STIM1: variants seen among roughly 807,000 people sequenced by gnomAD.
STIM1 encodes the protein stromal interaction molecule 1.
Under a neutral mutation model 74.7 loss-of-function variants are expected in STIM1, and 25 were observed. The observed-to-expected ratio is 0.33, with a 90% CI of 0.24 to 0.47. The LOEUF (loss-of-function observed/expected upper bound fraction) is 0.47, where lower values mean the gene tolerates loss of function less well. STIM1 is among the 20% of genes least tolerant of loss of function. The probability of loss-of-function intolerance (pLI) is 1.00; values close to 1 mark genes in which losing one functional copy is unlikely to be tolerated. For synonymous variants in STIM1, 328 were observed against 348.8 expected (o/e 0.94, Z 0.66); for missense variants, 728 against 920.8 (o/e 0.79, Z 2.71).
At chr11:4,017,222 C>T (rs2093907352) in intron 2 of STIM1, among the ~76,000 whole-genome samples, 1 of 152,166 alleles carries the variant, frequency 6.6e-6, no homozygotes, top group Admixed American at 6.5e-5. Context: ...CTGGGTTCTG[C>T]CTTTCTGACT....
chr11:3,900,766 G>T (rs2092327454), intron 1 of STIM1, among the ~76,000 whole-genome samples: 1 of 152,160 alleles, frequency 6.6e-6, no homozygotes, highest in Non-Finnish European at 1.5e-5. Flanking sequence ...TGTAGAGATG[G>T]GTTCTCACTC....
At chr11:3,891,539 C>T (rs1217387633) in intron 1 of STIM1, among the ~76,000 whole-genome samples, 8 of 152,148 alleles carry the variant, frequency 5.3e-5, no homozygotes, top group African/African-American at 1.7e-4. Flanking sequence ...CTCACCTCAG[C>T]CACCCAAAGT....
chr11:4,075,670 G>A (rs2094433392), intron 7 of STIM1, among the ~76,000 whole-genome samples: 1 of 152,000 alleles, frequency 6.6e-6, no homozygotes, highest in Non-Finnish European at 1.5e-5. Context: ...TGACTTTTAT[G>A]AATAATATTG....
intron 1 of STIM1, among the ~76,000 whole-genome samples, chr11:3,870,898 A>G (rs1159765256): frequency 3.2e-5 from 4 of 123,796 alleles, no homozygotes; most frequent in South Asian, 5.3e-4. Context: ...TTTTGAGATG[A>G]AGTCTTGCTC....
intron 1 of STIM1, among the ~76,000 whole-genome samples, chr11:3,895,081 C>CCT (rs1347708995): frequency 2.0e-5 from 3 of 152,158 alleles, no homozygotes; most frequent in Non-Finnish European, 4.4e-5. Context: ...AGGGCAGGAA[C>CCT]CTCTTAGCAA....
At chr11:3,867,531 C>T (rs1467657688) in intron 1 of STIM1, 3 of 152,238 alleles carry the variant, frequency 2.0e-5, no homozygotes, top group Non-Finnish European at 2.9e-5. Flanking sequence ...GGAAACCTTT[C>T]ATGGTTCCCA....
intron 3 of STIM1, among the ~76,000 whole-genome samples, chr11:4,033,763 TTTTTTA>T (rs2094073776): frequency 6.6e-6 from 1 of 151,888 alleles, no homozygotes; most frequent in South Asian, 2.1e-4. Context: ...ACCCAGCTAA[TTTTTTA>T]TTTTTATTTT....
intron 1 of STIM1, among the ~76,000 whole-genome samples, chr11:3,861,288 C>T (rs1214009544): frequency 2.0e-5 from 3 of 150,244 alleles, no homozygotes; most frequent in African/African-American, 4.9e-5. Flanking sequence ...GGCTGGAGTG[C>T]AGTGGCCCGA....
At chr11:3,993,398 T>C (rs892601459) in intron 2 of STIM1, among the ~76,000 whole-genome samples, 19 of 152,346 alleles carry the variant, frequency 1.2e-4, no homozygotes, top group African/African-American at 4.6e-4. Context: ...GGCTCAAGCC[T>C]GTAATCCCAG....
At chr11:3,957,402 G>A (rs532965437) in intron 1 of STIM1, among the ~76,000 whole-genome samples, 19 of 151,884 alleles carry the variant, frequency 1.3e-4, no homozygotes, top group African/African-American at 4.3e-4. Flanking sequence ...GATTACAGGC[G>A]CCCGCCACCA....
chr11:4,049,852 T>C (rs1253308673), intron 3 of STIM1, among the ~76,000 whole-genome samples: 1 of 152,102 alleles, frequency 6.6e-6, no homozygotes, highest in Non-Finnish European at 1.5e-5. Context: ...GGGAAAGTTA[T>C]ATAAGCTTGC....
In STIM1 at chr11:4,084,782, T is replaced by G. The variant is rs1163137397; in HGVS notation, c.1567+17T>G. Reference sequence around the variant, plus strand: ...AATACCCCGGTTTGAGGAGCCCCTTTGGGGCATTTTGTTTTTCTGACTTTC... The same window carrying G: ...AATACCCCGGTTTGAGGAGCCCCTTGGGGGCATTTTGTTTTTCTGACTTTC... On this transcript the variant is annotated intron_variant, in intron 11 of 12. Transcript: ENST00000526596. The G allele has an allele frequency of 7.8e-7, 1 of 1,289,012 alleles. No individual in the cohort carries two copies. The highest frequency in any genetic ancestry group is 1.5e-5 in the African/African-American group (1 of 65,838). The allele number at this position is 1,289,012 out of a possible 1,614,324, so 79.8% of individuals were successfully genotyped here.
At chr11:4,059,791 T>G (rs2094318097) in intron 5 of STIM1, among the ~76,000 whole-genome samples, 1 of 152,118 alleles carries the variant, frequency 6.6e-6, no homozygotes, top group South Asian at 2.1e-4. Context: ...GGATAGAGCT[T>G]TATTCTATGG....
intron 1 of STIM1, among the ~76,000 whole-genome samples, chr11:3,856,996 A>C (rs954899253): frequency 6.6e-5 from 10 of 151,862 alleles, no homozygotes; most frequent in Admixed American, 6.6e-5. Context: ...TAGGGTGTTA[A>C]ATGGCCTTTT....
chr11:3,896,708 C>T (rs1252530492), intron 1 of STIM1, among the ~76,000 whole-genome samples: 1 of 152,112 alleles, frequency 6.6e-6, no homozygotes, highest in Non-Finnish European at 1.5e-5. Context: ...GGGAAATTGT[C>T]AGAGAAGGCT....
chr11:4,065,850 C>G (rs2094362095), intron 5 of STIM1, among the ~76,000 whole-genome samples: 1 of 152,106 alleles, frequency 6.6e-6, no homozygotes. Context: ...AAAGAAATTC[C>G]TACTACATAT....
chr11:3,973,354 A>G, intron 2 of STIM1: 1 of 432,990 alleles, frequency 2.3e-6, no homozygotes, highest in Non-Finnish European at 4.5e-6. Flanking sequence ...TCTTTCTTCG[A>G]CAGGGCATCC....
At chr11:3,916,658 A>T (rs7105584) in intron 1 of STIM1, among the ~76,000 whole-genome samples, 3 of 151,966 alleles carry the variant, frequency 2.0e-5, no homozygotes, top group Non-Finnish European at 4.4e-5. Flanking sequence ...CACTGTGTTG[A>T]CCAGGCTGGT....
chr11:4,014,179 G>C (rs970631792), intron 2 of STIM1, among the ~76,000 whole-genome samples: 5 of 151,986 alleles, frequency 3.3e-5, no homozygotes, highest in African/African-American at 1.2e-4. Flanking sequence ...TTTCTCTTGT[G>C]GGCATTTGGT....
Sources: gnomAD v4.1 joint callset for allele counts (sites outside exome capture counted in the v4.1 genomes callset) on GRCh38, gnomAD v4.1.1 for gene constraint, MANE v1.5 for transcripts, NCBI Gene and HGNC (gene_info 2026-07-23, HGNC 2026-07-21) for gene names.